Variants in USP32 observed in about 807,000 individuals in gnomAD.
USP32 encodes the protein ubiquitin specific peptidase 32.
USP32 carries 59 observed loss-of-function variants against 204.8 expected under a neutral mutation model. That is an observed-to-expected ratio of 0.29 (90% confidence interval 0.23 to 0.36). The LOEUF is 0.36. Among genes scored for constraint, USP32 ranks in the 10% least tolerant of loss-of-function variants. The pLI, the probability that USP32 is intolerant of heterozygous loss-of-function variation, is 1.00. For missense variants in USP32, 1,160 were observed against 1,946.4 expected (o/e 0.60, Z 7.60); for synonymous variants, 517 against 678.4 (o/e 0.76, Z 3.70).
At chr17:60,339,580 T>C (rs2088607764) in intron 2 of USP32, among the ~76,000 whole-genome samples, 2 of 124,794 alleles carry the variant, frequency 1.6e-5, no homozygotes, top group South Asian at 4.9e-4. Flanking sequence ...CAAAACTCCA[T>C]CTCAAAAAAA....
intron 11 of USP32, among the ~76,000 whole-genome samples, chr17:60,250,584 C>A (rs1401152595): frequency 6.6e-6 from 1 of 152,048 alleles, no homozygotes; most frequent in East Asian, 1.9e-4. Flanking sequence ...CTTTTAGTAG[C>A]TAAAAACTAG....
At chr17:60,268,302 C>T (rs1162964886) in intron 7 of USP32, among the ~76,000 whole-genome samples, 1 of 151,738 alleles carries the variant, frequency 6.6e-6, no homozygotes, top group Non-Finnish European at 1.5e-5. Flanking sequence ...GGCATGGAGG[C>T]TCATGTCTAT....
rs202121527 is a variant in USP32 at position 60,198,332 on chromosome 17, G to A, written c.3362C>T (p.Ala1121Val). The A allele has an allele frequency of 2.7e-5, 43 of 1,614,132 alleles. No homozygotes were observed. The highest frequency in any genetic ancestry group is 1.8e-4 in the East Asian group (8 of 44,876). The change falls in exon 27 of 34, where the codon GCG (alanine) becomes GTG (valine). Residue 1121 changes from alanine to valine, a missense_variant. By Grantham distance (64) the Ala-to-Val change is moderately conservative. This residue lies in a region of USP32 where 160 missense variants were observed against 322.5 expected (regional missense o/e 0.50). Coordinates refer to ENST00000300896, the MANE Select transcript of USP32 (RefSeq NM_032582.4). ...TAACCGGGATACTTGAATCCAAACC[G>A]CATCATATAGGTCTTTCTTCCGGGT... is the stretch of plus-strand genomic sequence containing the variant. Reference protein sequence around the residue: ...VHTRKKDLYDAVWIQVSRLAS... With the variant: ...VHTRKKDLYDVVWIQVSRLAS...
intron 18 of USP32, among the ~76,000 whole-genome samples, chr17:60,212,971 T>A (rs1243705909): frequency 6.6e-6 from 1 of 152,196 alleles, no homozygotes; most frequent in African/African-American, 2.4e-5. Context: ...CAGGCTGGTC[T>A]GGAACTCCTG....
At chr17:60,306,552 C>A (rs998999108) in intron 2 of USP32, among the ~76,000 whole-genome samples, 1 of 151,956 alleles carries the variant, frequency 6.6e-6, no homozygotes, top group East Asian at 1.9e-4. Context: ...GCAGGAGAAT[C>A]ACTTGAACCC....
intron 2 of USP32, among the ~76,000 whole-genome samples, chr17:60,315,140 G>A (rs1598234430): frequency 6.6e-6 from 1 of 152,234 alleles, no homozygotes; most frequent in Non-Finnish European, 1.5e-5. Flanking sequence ...GCTCACGCCT[G>A]TAATCCTAGC....
Position 60,252,430 on chromosome 17 carries a change from C to T in USP32, c.1087G>A (p.Val363Ile). ...GGAGTAGCTGGTCTTAACCCCAGAA[C>T]TATGTGACACACCTAGGGAAAAAAA... The part of the protein sequence containing the change: ...LNLLFQVCHI[V>I]LGLRPATPEE... The change falls in exon 11 of 34, where the codon GTT becomes ATT. Residue 363 changes from valine to isoleucine, a missense_variant. Physicochemically the swap from Val to Ile is conservative, Grantham distance 29. This residue lies in a region of USP32 where 536 missense variants were observed against 680.9 expected (regional missense o/e 0.79). Transcript: ENST00000300896. 1 of 1,609,130 alleles carries T rather than the reference C, an allele frequency of 6.2e-7. No individual in the cohort carries two copies. The highest frequency in any genetic ancestry group is 8.5e-7 in the Non-Finnish European group (1 of 1,177,912).
Position 60,345,181 on chromosome 17 carries a change from T to A in USP32, c.186+300A>T, listed in dbSNP as rs2088756770. Among the ~76,000 whole-genome samples, 2 of 152,186 alleles carry A rather than the reference T, an allele frequency of 1.3e-5. 1 individual carries two copies. Among genetic ancestry groups the A allele is most frequent in the South Asian group, 4.1e-4 (2 of 4,832 alleles). ...TATTTGCAACATAAAAATTTTTATGTCACAGAGATTAACTTTCTAAGAATA... is the reference window on the plus strand; with the variant it reads ...TATTTGCAACATAAAAATTTTTATGACACAGAGATTAACTTTCTAAGAATA... On this transcript the variant is annotated intron_variant, in intron 2 of 33. Coordinates refer to ENST00000300896, the MANE Select transcript of USP32 (RefSeq NM_032582.4).
chr17:60,340,431 C>A (rs754398288), intron 2 of USP32, among the ~76,000 whole-genome samples: 15 of 152,164 alleles, frequency 9.9e-5, no homozygotes, highest in Non-Finnish European at 2.2e-4. Context: ...TACAAAAATT[C>A]TTTGTCTCTT....
intron 26 of USP32, among the ~76,000 whole-genome samples, chr17:60,201,334 G>A (rs192062732): frequency 6.6e-6 from 1 of 152,172 alleles, no homozygotes; most frequent in Admixed American, 6.5e-5. Flanking sequence ...TCATTTTGGG[G>A]CTACTATAGA....
chr17:60,283,462 C>T lies in USP32; in HGVS notation c.571+5061G>A, dbSNP rs1204673294. On this transcript the variant is annotated intron_variant, in intron 5 of 33. Transcript: ENST00000300896. ...TTTAAAAAATTGTCCTTCATCCTTT[C>T]GTATCATTGAGAGGAAGTAAAATAA... 3.3e-5 allele frequency among the ~76,000 whole-genome samples: 5 copies of T among 152,086 alleles called. 1 individual carries two copies. Among genetic ancestry groups the T allele is most frequent in the South Asian group, 4.2e-4 (2 of 4,800 alleles).
At chr17:60,381,493 T>C (rs576791717) in intron 1 of USP32, among the ~76,000 whole-genome samples, 1 of 151,910 alleles carries the variant, frequency 6.6e-6, no homozygotes, top group South Asian at 2.1e-4. Flanking sequence ...TGCCTCCTAC[T>C]CCTCCAATTC....
chr17:60,245,227 TA>T (rs1339395640), intron 11 of USP32: 1 of 204,342 alleles, frequency 4.9e-6, no homozygotes, highest in African/African-American at 2.6e-5. Context: ...TGGTGCTCTT[TA>T]TTTTTTTTTT....
chr17:60,291,614 G>A (rs2087279943), intron 4 of USP32, among the ~76,000 whole-genome samples: 1 of 151,808 alleles, frequency 6.6e-6, no homozygotes, highest in Non-Finnish European at 1.5e-5. Flanking sequence ...TTGAAGGTCT[G>A]AATTAACCTA....
At chr17:60,286,538 T>TGAGGGGCC (rs1333395091) in intron 5 of USP32, among the ~76,000 whole-genome samples, 1 of 152,186 alleles carries the variant, frequency 6.6e-6, no homozygotes, top group Non-Finnish European at 1.5e-5. Flanking sequence ...AGGCACCTTT[T>TGAGGGGCC]GAGGGGCCGA....
intron 2 of USP32, among the ~76,000 whole-genome samples, chr17:60,317,021 A>G (rs992654131): frequency 6.6e-6 from 1 of 152,210 alleles, no homozygotes; most frequent in Admixed American, 6.5e-5. Flanking sequence ...ACTGGAGGTT[A>G]TCAGGGGCTG....
intron 30 of USP32, among the ~76,000 whole-genome samples, chr17:60,184,526 T>C (rs1173629979): frequency 1.3e-5 from 2 of 151,862 alleles, no homozygotes; most frequent in Middle Eastern, 3.2e-3. Flanking sequence ...TAAGAAAACA[T>C]GGCTGGGCAC....
chr17:60,331,267 A>G (rs949143218), intron 2 of USP32, among the ~76,000 whole-genome samples: 9 of 152,350 alleles, frequency 5.9e-5, no homozygotes, highest in African/African-American at 2.2e-4. Context: ...GAAGTACAAT[A>G]AAACTGCATA....
intron 2 of USP32, among the ~76,000 whole-genome samples, chr17:60,339,304 C>T (rs912718234): frequency 2.0e-4 from 31 of 151,784 alleles, no homozygotes; most frequent in African/African-American, 6.8e-4. Context: ...TATAAATGGC[C>T]GAGCATGGTG....
Sources: gnomAD v4.1 joint callset for allele counts (sites outside exome capture counted in the v4.1 genomes callset) on GRCh38, gnomAD v4.1.1 for gene constraint, gnomAD v4.1.1 regional missense constraint, MANE v1.5 for transcripts, NCBI Gene and HGNC (gene_info 2026-07-23, HGNC 2026-07-21) for gene names.